CAMK1: variants seen among roughly 807,000 people sequenced by gnomAD.
The protein encoded by CAMK1 is calcium/calmodulin dependent protein kinase I, also known as calcium/calmodulin-dependent protein kinase type 1.
Under a neutral mutation model 49.1 loss-of-function variants are expected in CAMK1, and 39 were observed. That is an observed-to-expected ratio of 0.79 (90% CI 0.62 to 1.04). CAMK1 has a LOEUF of 1.04. CAMK1 is among the 50% of genes least tolerant of loss of function. The pLI, the probability that CAMK1 is intolerant of heterozygous loss-of-function variation, is 0.00. For synonymous variants in CAMK1, 192 were observed against 185.2 expected, an observed-to-expected ratio of 1.04 and a Z score of -0.30; for missense variants, 457 against 472.2, an observed-to-expected ratio of 0.97 and a Z score of 0.30.
rs2077818800 is a variant in CAMK1 at position 9,760,710 on chromosome 3, A to G, written c.691T>C (p.Leu231=). 1 of 1,613,992 alleles carries G rather than the reference A, an allele frequency of 6.2e-7. No individual in the cohort carries two copies. The highest frequency in any genetic ancestry group is 1.7e-5 in the Admixed American group (1 of 60,004). The change falls in exon 8 of 12, where the codon TTG becomes CTG. Residue 231 remains leucine (L), a synonymous_variant. Transcript: ENST00000256460. ...GAGTCAAACTCGTACTCGGCCTTCA[A>G]AATCTGTTCAAAGAGTTTGGCATCA... The part of the protein sequence containing the change: ...ENDAKLFEQI[L]KAEYEFDSPY...
At chr3:9,767,645 C>G in intron 2 of CAMK1, 22 bp downstream of exon 2, 1 of 1,614,014 alleles carries the variant, frequency 6.2e-7, no homozygotes, top group Non-Finnish European at 8.5e-7. Flanking sequence ...CCATCCAGCA[C>G]CCAATCCTGC....
chr3:9,763,230 G>T lies in CAMK1; in HGVS notation c.216-17C>A, dbSNP rs995609046. On this transcript the variant is annotated splice_polypyrimidine_tract_variant and intron_variant, in intron 3 of 11. Transcript: ENST00000256460. ...TGCTTGATCCTGAAAGGAGAAATGAGGTGGTTTAGCCAGGCATGGCGGTGT... is the reference window on the plus strand; with the variant it reads ...TGCTTGATCCTGAAAGGAGAAATGATGTGGTTTAGCCAGGCATGGCGGTGT... 1 of 1,613,676 alleles carries T rather than the reference G, an allele frequency of 6.2e-7. No individual in the cohort carries two copies. Among genetic ancestry groups the T allele is most frequent in the East Asian group, 2.2e-5 (1 of 44,866 alleles).
At position 9,767,740 on chromosome 3, in the gene CAMK1, C is replaced by G. The variant is rs1199233790; in HGVS notation, c.10G>C (p.Ala4Pro). 6.2e-7 allele frequency: 1 copy of G among 1,613,996 alleles called. No homozygotes were observed. Among genetic ancestry groups the G allele is most frequent in the Non-Finnish European group, 8.5e-7 (1 of 1,179,972 alleles). Residue 4 changes from alanine to proline, a missense_variant, in exon 2 of 12, where the codon GCA becomes CCA. Transcript: ENST00000256460. MLG[A>P]VEGPRWKQAE... Reference sequence around the variant, plus strand: ...TGCTTCCACCTGGGGCCTTCCACTGCCCCCAGCATGGCCCACTGCCCCCCG... The same window carrying G: ...TGCTTCCACCTGGGGCCTTCCACTGGCCCCAGCATGGCCCACTGCCCCCCG...
At chr3:9,765,259 G>T (rs939162137) in intron 3 of CAMK1, among the ~76,000 whole-genome samples, 1 of 152,066 alleles carries the variant, frequency 6.6e-6, no homozygotes, top group African/African-American at 2.4e-5. Flanking sequence ...GCCCAGGGTG[G>T]TTGGAAGCTC....
intron 1 of CAMK1, among the ~76,000 whole-genome samples, chr3:9,767,996 TTAA>T (rs1262005547): frequency 1.3e-5 from 2 of 152,222 alleles, no homozygotes; most frequent in South Asian, 2.1e-4. Context: ...AATTCTTTAT[TTAA>T]CAAAGTCATG....
At chr3:9,761,975 C>A (rs2077901106) in intron 5 of CAMK1, 1 of 574,088 alleles carries the variant, frequency 1.7e-6, no homozygotes, top group Non-Finnish European at 3.0e-6. Flanking sequence ...CTCTAAACCT[C>A]AGGTGTGCAC....
At chr3:9,762,368 A>AT (rs891183119) in intron 5 of CAMK1, 26 of 152,778 alleles carry the variant, frequency 1.7e-4, no homozygotes, top group African/African-American at 2.7e-4. Context: ...TTTTTATTTT[A>AT]TTTTTTTTGA....
chr3:9,767,168 A>G (rs1166545753), intron 2 of CAMK1, among the ~76,000 whole-genome samples: 2 of 152,136 alleles, frequency 1.3e-5, no homozygotes. Context: ...TTCTCCAGGA[A>G]GTTTTCCCCC....
intron 10 of CAMK1, chr3:9,758,920 A>G (rs2077715633): frequency 2.3e-6 from 1 of 425,910 alleles, no homozygotes; most frequent in African/African-American, 2.0e-5. Flanking sequence ...GTGAGCCACC[A>G]TGCCTGGCCC....
rs2077643500 is a variant in CAMK1, at chr3:9,757,611, A to G, written c.1041T>C (p.Ala347=). 6.2e-7 allele frequency: 1 copy of G among 1,614,080 alleles called. No individual in the cohort carries two copies. Among genetic ancestry groups the G allele is most frequent in the African/African-American group, 1.3e-5 (1 of 74,942 alleles). The part of the protein sequence containing the change: ...LLTPVAGGPA[A]GCCCRDCCVE... ...CGCAGCAGTCTCGACAGCAACAGCC[A>G]GCTGCCGGCCCTGCATGGGAAGACA... The change falls in exon 12 of 12, where the codon GCT becomes GCC. Residue 347 remains alanine, a synonymous_variant. Coordinates refer to ENST00000256460, the MANE Select transcript of CAMK1 (RefSeq NM_003656.5). The surrounding 1 kb of genome is among the most constrained non-coding windows in gnomAD (Gnocchi z 4.5).
chr3:9,758,247 T>C (rs932145553), intron 10 of CAMK1: 1 of 164,312 alleles, frequency 6.1e-6, no homozygotes, highest in African/African-American at 2.4e-5. Flanking sequence ...TGAAGTAACT[T>C]GCTCAGGTGT....
At position 9,761,343 on chromosome 3, in the gene CAMK1, G is replaced by T. The variant is rs11715850; in HGVS notation, c.632+118C>A. The T allele has an allele frequency of 1.5e-3, 1,553 of 1,008,040 alleles. 1 individual carries two copies. The highest frequency in any genetic ancestry group is 1.8e-3 in the Non-Finnish European group (1,230 of 681,890). 62.4% of individuals were successfully genotyped at this position (1,008,040 alleles called of 1,614,324 possible). A position where few individuals can be genotyped will look rare whatever the true frequency, so the allele number is the denominator to read the frequency against. On this transcript the variant is annotated intron_variant, in intron 7 of 11. Coordinates refer to ENST00000256460, the MANE Select transcript of CAMK1 (RefSeq NM_003656.5). ...AAGTAATACTGGTAATTGATTGGTG[G>T]AAGGAAGGGAGGGAGGGAAGGAAGG...
chr3:9,757,782 T>A lies in CAMK1; in HGVS notation c.977A>T (p.Glu326Val), dbSNP rs953847648. The part of the protein sequence containing the change: ...MRKLQLGTSQ[E>V]GQGQTASHGE... ...ATGGCTCGCCGTCTGCCCCTGCCCCTCCTGGCTGGTGCCCAGCTGCAGTTT... is the reference window on the plus strand; with the variant it reads ...ATGGCTCGCCGTCTGCCCCTGCCCCACCTGGCTGGTGCCCAGCTGCAGTTT... The change falls in exon 11 of 12, where the codon GAG (glutamate) becomes GTG (valine). Residue 326 changes from glutamate (E) to valine (V), a missense_variant. Physicochemically the swap from Glu to Val is moderately radical, Grantham distance 121. Transcript: ENST00000256460. This position sits in a 1 kb window ranked among gnomAD's most constrained non-coding sequence, Gnocchi z 4.5. 1.3e-5 allele frequency: 21 copies of A among 1,613,866 alleles called. No individual in the cohort carries two copies. Among genetic ancestry groups the A allele is most frequent in the Admixed American group, 5.0e-5 (3 of 59,980 alleles).
chr3:9,758,953 A>G (rs562578215), intron 10 of CAMK1: 3 of 504,834 alleles, frequency 5.9e-6, no homozygotes, highest in East Asian at 3.7e-5. Context: ...CTATGCAGCA[A>G]ATACTTGCCT....
chr3:9,766,053 C>A, intron 2 of CAMK1, 163 bp from the exon 3 acceptor site: 1 of 1,594,876 alleles, frequency 6.3e-7, no homozygotes, highest in Non-Finnish European at 8.5e-7. Context: ...GGTCACATGA[C>A]CCAGGCCTGG....
At chr3:9,761,594 C>A (rs771069252) in intron 6 of CAMK1, 37 bp downstream of exon 6, 2 of 1,613,716 alleles carry the variant, frequency 1.2e-6, no homozygotes, top group Admixed American at 3.3e-5. Flanking sequence ...TCCTGGTTCC[C>A]CCCACCATCA....
intron 2 of CAMK1, 187 bp from the exon 3 acceptor site, chr3:9,766,077 T>C: frequency 6.4e-7 from 1 of 1,553,416 alleles, no homozygotes; most frequent in Non-Finnish European, 8.8e-7. Flanking sequence ...GTCAAAGTAG[T>C]CTCTCCCCTG....
At chr3:9,759,869 C>A in intron 8 of CAMK1, 119 bp from the exon 9 acceptor site, 1 of 1,549,060 alleles carries the variant, frequency 6.5e-7, no homozygotes. Context: ...CCAAATCAGT[C>A]CATGCCCCAC....
intron 5 of CAMK1, 32 bp downstream of exon 5, chr3:9,762,882 A>T (rs548473955): frequency 2.5e-6 from 4 of 1,610,796 alleles, no homozygotes; most frequent in Non-Finnish European, 3.4e-6. Context: ...ACCCCTGGGT[A>T]CCCTAGCTCA....
Sources: allele counts gnomAD v4.1 joint callset (sites outside exome capture counted in the v4.1 genomes callset), GRCh38; gene constraint gnomAD v4.1.1; non-coding constraint Gnocchi (gnomAD v3.1); transcripts MANE v1.5; gene names NCBI Gene and HGNC (gene_info 2026-07-23, HGNC 2026-07-21).